Variants in ZNF354C observed in about 807,000 individuals in gnomAD.
The protein encoded by ZNF354C is zinc finger protein 354C.
In ZNF354C, 7 loss-of-function variants were observed where a neutral mutation model predicts 12.4. That is an observed-to-expected ratio of 0.56 (90% CI 0.32 to 1.06). ZNF354C has a LOEUF of 1.06. Ranked by LOEUF, ZNF354C falls within the 50% of genes least tolerant of loss-of-function variation. The pLI is 0.04. For missense variants in ZNF354C, 609 were observed against 658.0 expected (o/e 0.93, Z 0.81); for synonymous variants, 202 against 224.5 (o/e 0.90, Z 0.90).
chr5:179,069,475 ATCAC>A (rs1762011984), intron 2 of ZNF354C, among the ~76,000 whole-genome samples: 2 of 151,560 alleles, frequency 1.3e-5, no homozygotes, highest in South Asian at 2.1e-4. Context: ...AGGCAGGAGA[ATCAC>A]TTGAACCTGG....
At chr5:179,076,851 C>T (rs1180962081) in intron 3 of ZNF354C, among the ~76,000 whole-genome samples, 1 of 152,120 alleles carries the variant, frequency 6.6e-6, no homozygotes, top group Non-Finnish European at 1.5e-5. Flanking sequence ...AGGGACCCCC[C>T]ATCTTAGAGG....
chr5:179,070,509 T>A (rs1762033858), intron 2 of ZNF354C, among the ~76,000 whole-genome samples: 1 of 152,246 alleles, frequency 6.6e-6, no homozygotes, highest in African/African-American at 2.4e-5. Context: ...AGTGTGATCC[T>A]GGCTGTGGTC....
chr5:179,077,139 A>G lies in ZNF354C; in HGVS notation c.223A>G (p.Arg75Gly), dbSNP rs1315688729. 1.9e-6 allele frequency: 3 copies of G among 1,614,204 alleles called. No individual in the cohort carries two copies. Among genetic ancestry groups the G allele is most frequent in the East Asian group, 2.2e-5 (1 of 44,878 alleles). ...AGGAGAAGATCCCTGCATGGTGGAAAGAGAAGTCCCTTCAGATACCCGTCT... is the reference window on the plus strand; with the variant it reads ...AGGAGAAGATCCCTGCATGGTGGAAGGAGAAGTCCCTTCAGATACCCGTCT... ...QQGEDPCMVEREVPSDTRLGF... is the reference protein window; with the variant it reads ...QQGEDPCMVEGEVPSDTRLGF... Residue 75 changes from arginine to glycine, a missense_variant, in exon 4 of 5, where the codon AGA (arginine) becomes GGA (glycine). Arg to Gly is a moderately radical substitution (Grantham distance 125). Coordinates refer to ENST00000315475, the MANE Select transcript of ZNF354C (RefSeq NM_014594.3).
rs1388476584 is a variant in ZNF354C, at chr5:179,076,544, G to T, written c.127G>T (p.Glu43Ter). ...GGCCTTGTACCGGGAGGTGATGCTG[G>T]AGAACTACAGCAGCCTGGTCTCACT... ...QRALYREVML[E>*]NYSSLVSLGI... The change falls in exon 3 of 5, where the codon GAG becomes TAG. Residue 43 changes from glutamate (E) to a stop codon, truncating the protein, a stop_gained. Coordinates refer to ENST00000315475, the MANE Select transcript of ZNF354C (RefSeq NM_014594.3). LOFTEE classifies it high-confidence loss of function. 6.2e-7 allele frequency: 1 copy of T among 1,614,054 alleles called. No homozygotes were observed. The highest frequency in any genetic ancestry group is 8.5e-7 in the Non-Finnish European group (1 of 1,180,042).
intron 2 of ZNF354C, among the ~76,000 whole-genome samples, chr5:179,065,714 C>A (rs549018570): frequency 1.3e-5 from 2 of 152,070 alleles, no homozygotes; most frequent in African/African-American, 4.8e-5. Context: ...CATGCCCGGC[C>A]CTGATTAGGT....
intron 2 of ZNF354C, among the ~76,000 whole-genome samples, chr5:179,067,954 G>C (rs990833417): frequency 6.6e-6 from 1 of 151,794 alleles, no homozygotes; most frequent in African/African-American, 2.4e-5. Context: ...AAGGCCAGGA[G>C]TTCAAGACCA....
In ZNF354C at chr5:179,079,791, T is replaced by C; in HGVS notation, c.1359T>C (p.Ser453=). Reference sequence around the variant, plus strand: ...GTGGGAAAGCCTTTGGTTGCAAATCTAACCTTTATAGGCATCAGAGAATTC... The same window carrying C: ...GTGGGAAAGCCTTTGGTTGCAAATCCAACCTTTATAGGCATCAGAGAATTC... ...EECGKAFGCK[S]NLYRHQRIHT... The change falls in exon 5 of 5, where the codon TCT becomes TCC. Residue 453 remains serine, a synonymous_variant. Coordinates refer to ENST00000315475, the MANE Select transcript of ZNF354C (RefSeq NM_014594.3). This position sits in a 1 kb window ranked among gnomAD's most constrained non-coding sequence, Gnocchi z 4.2. The C allele has an allele frequency of 6.2e-7, 1 of 1,613,194 alleles. No homozygotes were observed. Among genetic ancestry groups the C allele is most frequent in the African/African-American group, 1.3e-5 (1 of 74,808 alleles).
intron 2 of ZNF354C, among the ~76,000 whole-genome samples, chr5:179,071,971 C>T (rs549988672): frequency 6.6e-6 from 1 of 152,204 alleles, no homozygotes; most frequent in South Asian, 2.1e-4. Context: ...CAGTACTCTT[C>T]AAAGGAACAT....
In ZNF354C at chr5:179,079,800, T is replaced by C. The variant is rs963954274; in HGVS notation, c.1368T>C (p.Tyr456=). 2 of 1,614,006 alleles carry C rather than the reference T, an allele frequency of 1.2e-6. No individual in the cohort carries two copies. The highest frequency in any genetic ancestry group is 1.1e-5 in the South Asian group (1 of 91,070). ...CCTTTGGTTGCAAATCTAACCTTTA[T>C]AGGCATCAGAGAATTCATACTGGAG... ...GKAFGCKSNL[Y]RHQRIHTGEK... is the part of the protein sequence containing the mutation. The change falls in exon 5 of 5, where the codon TAT becomes TAC. Residue 456 remains tyrosine (Y), a synonymous_variant. Transcript: ENST00000315475. This position sits in a 1 kb window ranked among gnomAD's most constrained non-coding sequence, Gnocchi z 4.2.
intron 1 of ZNF354C, 72 bp from the exon 2 acceptor site, chr5:179,061,943 G>A: frequency 2.0e-6 from 2 of 1,005,108 alleles, no homozygotes; most frequent in Admixed American, 3.4e-5. Context: ...GACATTATGG[G>A]CGGTTGTAAC....
At chr5:179,070,585 T>C (rs1432543047) in intron 2 of ZNF354C, among the ~76,000 whole-genome samples, 1 of 152,200 alleles carries the variant, frequency 6.6e-6, no homozygotes, top group Admixed American at 6.5e-5. Context: ...TCAGTTTCCC[T>C]GGAGCTACCT....
Position 179,082,417 on chromosome 5 carries a change from AG to A in ZNF354C, c.*2321del, listed in dbSNP as rs1762240940. The A allele has an allele frequency of 2.4e-6, 1 of 416,236 alleles. No homozygotes were observed. Among genetic ancestry groups the A allele is most frequent in the African/African-American group, 2.0e-5 (1 of 48,846 alleles). 25.8% of individuals were successfully genotyped at this position (416,236 alleles called of 1,614,324 possible). On this transcript the variant is annotated 3_prime_UTR_variant, in exon 5 of 5. Transcript: ENST00000315475. Reference sequence around the variant, plus strand: ...AATAGAGGAACAAGTTGAATTACACAGTATGGAAATAAATAGACAAGTCCAG... The same window carrying A: ...AATAGAGGAACAAGTTGAATTACACATATGGAAATAAATAGACAAGTCCAG...
intron 4 of ZNF354C, among the ~76,000 whole-genome samples, chr5:179,077,850 G>C (rs1039179035): frequency 1.4e-5 from 2 of 139,332 alleles, no homozygotes; most frequent in Admixed American, 8.1e-5. Flanking sequence ...CTGTCACCCA[G>C]GCCGGAGTGC....
chr5:179,069,684 C>T (rs930719791), intron 2 of ZNF354C, among the ~76,000 whole-genome samples: 12 of 151,140 alleles, frequency 7.9e-5, no homozygotes, highest in East Asian at 3.9e-4. Flanking sequence ...GCTAACATGG[C>T]GAAACCCCGT....
chr5:179,069,755 A>C (rs1762018452), intron 2 of ZNF354C, among the ~76,000 whole-genome samples: 1 of 150,598 alleles, frequency 6.6e-6, no homozygotes, highest in African/African-American at 2.4e-5. Flanking sequence ...AGTCCCAGCT[A>C]CTCGGGAGGC....
chr5:179,065,134 C>G (rs1761943977), intron 2 of ZNF354C, among the ~76,000 whole-genome samples: 1 of 151,942 alleles, frequency 6.6e-6, no homozygotes, highest in African/African-American at 2.4e-5. Context: ...TACCCTGCAC[C>G]CAGCTTCCCG....
At chr5:179,073,173 A>T (rs1399991212) in intron 2 of ZNF354C, among the ~76,000 whole-genome samples, 1 of 152,240 alleles carries the variant, frequency 6.6e-6, no homozygotes, top group Non-Finnish European at 1.5e-5. Flanking sequence ...TCAACCCAGA[A>T]TTCTATATCC....
At chr5:179,072,975 G>C (rs1160311398) in intron 2 of ZNF354C, among the ~76,000 whole-genome samples, 1 of 152,118 alleles carries the variant, frequency 6.6e-6, no homozygotes, top group Non-Finnish European at 1.5e-5. Context: ...TAGCTAGCTG[G>C]TTTCTACCAT....
chr5:179,071,806 C>G (rs1236503364), intron 2 of ZNF354C, among the ~76,000 whole-genome samples: 2 of 152,010 alleles, frequency 1.3e-5, no homozygotes, highest in South Asian at 4.2e-4. Context: ...CAAACTCTGC[C>G]CAAATCTCTA....
Sources: gnomAD v4.1 joint callset for allele counts (sites outside exome capture counted in the v4.1 genomes callset) on GRCh38, gnomAD v4.1.1 for gene constraint, Gnocchi (gnomAD v3.1) non-coding constraint, MANE v1.5 for transcripts, NCBI Gene and HGNC (gene_info 2026-07-23, HGNC 2026-07-21) for gene names.